Variants in HBS1L observed in about 807,000 individuals in gnomAD.
HBS1L encodes the protein HBS1 like translational GTPase.
A neutral mutation model predicts 88.9 loss-of-function variants in HBS1L; 55 were observed. That is an observed-to-expected ratio of 0.62 (90% CI 0.50 to 0.77). HBS1L has a LOEUF of 0.77. Ranked by LOEUF, HBS1L falls within the 30% of genes least tolerant of loss-of-function variation. The pLI is 0.00. For missense variants in HBS1L, 741 were observed against 829.3 expected (o/e 0.89, Z 1.31); for synonymous variants, 267 against 288.5 (o/e 0.93, Z 0.76).
chr6:135,008,039 A>C (rs1185231780), intron 4 of HBS1L, among the ~76,000 whole-genome samples: 1 of 152,196 alleles, frequency 6.6e-6, no homozygotes, highest in Non-Finnish European at 1.5e-5. Context: ...GAATTAAACC[A>C]CTAAGATGTC....
intron 15 of HBS1L, among the ~76,000 whole-genome samples, chr6:134,978,057 G>C (rs1774701946): frequency 6.6e-6 from 1 of 151,920 alleles, no homozygotes; most frequent in South Asian, 2.1e-4. Flanking sequence ...TGAATGTGTT[G>C]CTTCAGCACA....
At chr6:134,991,434 C>G (rs1327185296) in intron 8 of HBS1L, among the ~76,000 whole-genome samples, 2 of 152,068 alleles carry the variant, frequency 1.3e-5, no homozygotes, top group Non-Finnish European at 2.9e-5. Context: ...TATTCCAATC[C>G]ACAGTTGACT....
intron 8 of HBS1L, among the ~76,000 whole-genome samples, chr6:134,990,392 CCT>C (rs201051580): frequency 0.015 from 2,330 of 152,210 alleles, 27 homozygotes; most frequent in South Asian, 0.029. Context: ...CTGTGATTTC[CCT>C]GAGGTGAGGC....
chr6:134,966,306 T>C, intron 17 of HBS1L, 23 bp downstream of exon 17: 5 of 1,596,882 alleles, frequency 3.1e-6, no homozygotes, highest in Non-Finnish European at 4.3e-6. Flanking sequence ...GGATATATAA[T>C]GAGTCACTTT....
intron 2 of HBS1L, among the ~76,000 whole-genome samples, chr6:135,048,921 G>A (rs1267713727): frequency 1.3e-5 from 2 of 152,156 alleles, no homozygotes; most frequent in African/African-American, 4.8e-5. Flanking sequence ...GGATGACAGA[G>A]TAGATATGAT....
chr6:134,974,832 T>C (rs1271419345), intron 15 of HBS1L, among the ~76,000 whole-genome samples: 3 of 151,962 alleles, frequency 2.0e-5, no homozygotes, highest in South Asian at 2.1e-4. Context: ...TTGAAAGCAT[T>C]CCCCCTAAGA....
intron 4 of HBS1L, among the ~76,000 whole-genome samples, chr6:135,009,641 C>G (rs1395783840): frequency 6.7e-6 from 1 of 149,122 alleles, no homozygotes; most frequent in Non-Finnish European, 1.5e-5. Context: ...ATTACATATT[C>G]TTTTTTTTTT....
intron 5 of HBS1L, among the ~76,000 whole-genome samples, chr6:135,000,660 A>G (rs1216335895): frequency 7.3e-5 from 11 of 151,524 alleles, no homozygotes; most frequent in East Asian, 3.9e-4. Context: ...TTTTCTTCCA[A>G]ATAGAGACAG....
intron 5 of HBS1L, among the ~76,000 whole-genome samples, chr6:134,998,524 A>C (rs1775354332): frequency 1.3e-5 from 2 of 152,384 alleles, no homozygotes; most frequent in Admixed American, 6.5e-5. Context: ...AGAGCAGGTT[A>C]AATTGGAAGT....
At chr6:134,967,271 A>G (rs1197979963) in intron 16 of HBS1L, among the ~76,000 whole-genome samples, 1 of 152,250 alleles carries the variant, frequency 6.6e-6, no homozygotes, top group East Asian at 1.9e-4. Flanking sequence ...GTGGACAGAA[A>G]TCATAAACTC....
Position 135,032,130 on chromosome 6 carries a change from A to T in HBS1L, c.430+7443T>A, listed in dbSNP as rs181118808. 3.8e-3 allele frequency among the ~76,000 whole-genome samples: 578 copies of T among 152,138 alleles called. 3 individuals carry two copies. The highest frequency in any genetic ancestry group is 0.012 in the African/African-American group (517 of 41,576). ...AGAATTCTAAATGCTAAATACCTTA[A>T]AATAAAATTTTCACAACCAGGTAGT... On this transcript the variant is annotated intron_variant, in intron 4 of 17. Coordinates refer to ENST00000367837, the MANE Select transcript of HBS1L (RefSeq NM_006620.4).
chr6:135,038,028 T>C, intron 4 of HBS1L: 1 of 1,493,586 alleles, frequency 6.7e-7, no homozygotes, highest in South Asian at 1.4e-5. Context: ...ATAAGACTCC[T>C]TACCTTACAA....
chr6:134,997,455 C>T lies in HBS1L; in HGVS notation c.741G>A (p.Val247=), dbSNP rs1775322695. The change falls in exon 6 of 18, where the codon GTG becomes GTA. Residue 247 remains valine (V), a synonymous_variant. Transcript: ENST00000367837. Reference sequence around the variant, plus strand: ...CTTGCCGCTTCTCCAGTTCCGCCTTCACATCTATTTGCTGCCTCAGCTTGC... The same window carrying T: ...CTTGCCGCTTCTCCAGTTCCGCCTTTACATCTATTTGCTGCCTCAGCTTGC... ...KSGKLRQQID[V]KAELEKRQGG... is the part of the protein sequence containing the mutation. 1.2e-6 allele frequency: 2 copies of T among 1,614,080 alleles called. No individual in the cohort carries two copies. Among genetic ancestry groups the T allele is most frequent in the Middle Eastern group, 1.6e-4 (1 of 6,062 alleles).
chr6:134,988,898 T>A (rs1775055175), intron 8 of HBS1L, among the ~76,000 whole-genome samples: 1 of 152,132 alleles, frequency 6.6e-6, no homozygotes, highest in Non-Finnish European at 1.5e-5. Flanking sequence ...AGCAAATATA[T>A]GAATTATCAA....
rs369582508 is a variant in HBS1L at position 135,042,153 on chromosome 6, C to T, written c.110-27G>A. 2.7e-5 allele frequency: 43 copies of T among 1,602,478 alleles called. No individual in the cohort carries two copies. The African/African-American group carries it at 4.8e-4, about 18-fold the overall frequency. ...TAGAATATAAAATGATCAAAGAATGCTATGGTATAGCCATTTCCTATTAAC... is the reference window on the plus strand; with the variant it reads ...TAGAATATAAAATGATCAAAGAATGTTATGGTATAGCCATTTCCTATTAAC... On this transcript the variant is annotated intron_variant, in intron 2 of 17. Transcript: ENST00000367837.
At chr6:135,043,375 T>C (rs907946042) in intron 2 of HBS1L, among the ~76,000 whole-genome samples, 1 of 152,348 alleles carries the variant, frequency 6.6e-6, no homozygotes, top group South Asian at 2.1e-4. Flanking sequence ...GTATAGATTA[T>C]CAGGAAGATA....
intron 2 of HBS1L, among the ~76,000 whole-genome samples, chr6:135,046,089 A>C (rs1235569545): frequency 6.6e-6 from 1 of 152,160 alleles, no homozygotes; most frequent in Non-Finnish European, 1.5e-5. Context: ...TCCTCCTGCC[A>C]CTTGCATTAA....
intron 1 of HBS1L, among the ~76,000 whole-genome samples, chr6:135,053,112 C>T (rs1777138884): frequency 6.6e-6 from 1 of 152,180 alleles, no homozygotes; most frequent in Non-Finnish European, 1.5e-5. Context: ...GACAACATGA[C>T]AACCTAACCT....
intron 12 of HBS1L, among the ~76,000 whole-genome samples, chr6:134,984,874 A>G (rs1774934493): frequency 6.6e-6 from 1 of 152,066 alleles, no homozygotes. Flanking sequence ...CATTTCACCT[A>G]TGTATGGTAT....
Sources: allele counts gnomAD v4.1 joint callset (sites outside exome capture counted in the v4.1 genomes callset), GRCh38; gene constraint gnomAD v4.1.1; transcripts MANE v1.5; gene names NCBI Gene and HGNC (gene_info 2026-07-23, HGNC 2026-07-21).